Variants in CBX5 observed in about 807,000 individuals in gnomAD.
CBX5 encodes the protein chromobox 5, also known as chromobox protein homolog 5.
A neutral mutation model predicts 20.7 loss-of-function variants in CBX5; 7 were observed. The ratio of observed to expected loss-of-function variants is 0.34; its 90% CI spans 0.19 to 0.63. The LOEUF (loss-of-function observed/expected upper bound fraction) is 0.63, where lower values mean the gene tolerates loss of function less well. Among genes scored for constraint, CBX5 ranks in the 30% least tolerant of loss-of-function variants. CBX5 has a pLI of 0.75. For missense variants in CBX5, 110 were observed against 224.1 expected (o/e 0.49, Z 3.25); for synonymous variants, 78 against 77.0 (o/e 1.01, Z -0.07).
intron 2 of CBX5, 59 bp downstream of exon 2, chr12:54,257,455 T>A (rs992076238): frequency 6.4e-7 from 1 of 1,570,060 alleles, no homozygotes; most frequent in African/African-American, 1.4e-5. Flanking sequence ...CCTAAGGAAG[T>A]AAACCAAAGG....
intron 2 of CBX5, 90 bp downstream of exon 2, chr12:54,257,424 A>G (rs1367240540): frequency 7.1e-7 from 1 of 1,410,416 alleles, no homozygotes; most frequent in Non-Finnish European, 9.8e-7. Context: ...GGGGAAGAAA[A>G]AGACAAAAAT....
At chr12:54,263,079 G>C (rs550208720) in intron 1 of CBX5, 2 of 152,608 alleles carry the variant, frequency 1.3e-5, no homozygotes, top group South Asian at 4.1e-4. Flanking sequence ...TGAGAAAAGA[G>C]GCTGGGCGCG....
intron 1 of CBX5, chr12:54,259,447 C>T (rs969619110): frequency 3.3e-5 from 5 of 152,630 alleles, no homozygotes; most frequent in African/African-American, 1.2e-4. Flanking sequence ...TCCCTTTATA[C>T]CTTCATGCAG....
intron 2 of CBX5, among the ~76,000 whole-genome samples, chr12:54,253,396 C>T (rs1298282986): frequency 6.6e-6 from 1 of 151,852 alleles, no homozygotes; most frequent in East Asian, 1.9e-4. Context: ...GTCTGGGCAA[C>T]AGACTGAGAC....
In CBX5 at chr12:54,239,330, A is replaced by G. The variant is rs887343101; in HGVS notation, c.*2425T>C. 11 of 152,156 alleles carry G rather than the reference A, an allele frequency of 7.2e-5. No homozygotes were observed. Among genetic ancestry groups the G allele is most frequent in the African/African-American group, 2.7e-4 (11 of 41,428 alleles). The allele number at this position is 152,156 out of a possible 1,614,324, so 9.4% of individuals were successfully genotyped here. On this transcript the variant is annotated 3_prime_UTR_variant, in exon 5 of 5. Transcript: ENST00000209875. ...CTCAGAACCAATCTCAGTACCAAAT[A>G]TTGTCATGTTCTTTGTCCACATACT...
intron 1 of CBX5, chr12:54,259,572 G>A (rs1365846319): frequency 6.5e-6 from 1 of 152,682 alleles, no homozygotes; most frequent in Non-Finnish European, 1.5e-5. Flanking sequence ...CCCAGGTCTG[G>A]GTCTTGGCGG....
At chr12:54,245,388 G>A (rs1943723554) in intron 4 of CBX5, among the ~76,000 whole-genome samples, 3 of 152,214 alleles carry the variant, frequency 2.0e-5, no homozygotes, top group Admixed American at 6.5e-5. Context: ...AATCCATTCT[G>A]AAGCATAATT....
intron 3 of CBX5, among the ~76,000 whole-genome samples, chr12:54,250,811 C>CAAAA (rs1164585269): frequency 0.024 from 952 of 39,232 alleles, 24 homozygotes; most frequent in Non-Finnish European, 0.032. Flanking sequence ...GACTCCGTCT[C>CAAAA]AAAAAAAAAA....
rs200904302 is a variant in CBX5 at position 54,279,303 on chromosome 12, C to CA, written c.-43+704dup. On this transcript the variant is annotated intron_variant, in intron 1 of 4. Coordinates refer to ENST00000209875, the MANE Select transcript of CBX5 (RefSeq NM_012117.3). ...AAAGTATTATTTAAAAACAAACAAACAAAAAAAAACAACTCCTGTTCCCCA... is the reference window on the plus strand; with the variant it reads ...AAAGTATTATTTAAAAACAAACAAACAAAAAAAAAACAACTCCTGTTCCCCA... Among the ~76,000 whole-genome samples the CA allele has an allele frequency of 1.7e-3, 247 of 149,184 alleles. 3 individuals are homozygous for CA. Among genetic ancestry groups the CA allele is most frequent in the African/African-American group, 1.4e-3 (58 of 40,390 alleles).
intron 1 of CBX5, chr12:54,272,883 G>A (rs1207081476): frequency 6.6e-6 from 1 of 152,124 alleles, no homozygotes; most frequent in Non-Finnish European, 1.5e-5. Flanking sequence ...AAGAAACTAA[G>A]GACTAAAGAG....
At chr12:54,251,586 G>T (rs181297292) in intron 3 of CBX5, among the ~76,000 whole-genome samples, 2 of 150,854 alleles carry the variant, frequency 1.3e-5, no homozygotes. Flanking sequence ...AGCTACTACT[G>T]AGGCATGAGA....
chr12:54,259,771 G>T (rs1857743768), intron 1 of CBX5, among the ~76,000 whole-genome samples: 1 of 152,242 alleles, frequency 6.6e-6, no homozygotes, highest in Non-Finnish European at 1.5e-5. Context: ...TTGGCCTCAA[G>T]GCTAAGGCAT....
In CBX5 at chr12:54,241,663, G is replaced by A. The variant is rs1943678159; in HGVS notation, c.*92C>T. The A allele has an allele frequency of 1.4e-5, 18 of 1,251,482 alleles. No homozygotes were observed. In the South Asian group the frequency reaches 2.4e-4, roughly 17 times the overall value. The allele number at this position is 1,251,482 out of a possible 1,614,324, so 77.5% of individuals were successfully genotyped here. A position where few individuals can be genotyped will look rare whatever the true frequency, so the allele number is the denominator to read the frequency against. On this transcript the variant is annotated 3_prime_UTR_variant, in exon 5 of 5. Coordinates refer to ENST00000209875, the MANE Select transcript of CBX5 (RefSeq NM_012117.3). ...TGATAAGCACATTTTTTATGGATGT[G>A]TTTAGGATAGAAAGGGGTGGGTAGA...
At chr12:54,278,758 T>C (rs1290957367) in intron 1 of CBX5, 1 of 152,256 alleles carries the variant, frequency 6.6e-6, no homozygotes, top group Non-Finnish European at 1.5e-5. Context: ...AGGTGATGGA[T>C]GAATCTTCTG....
intron 3 of CBX5, among the ~76,000 whole-genome samples, chr12:54,251,131 C>T (rs1258652375): frequency 7.1e-6 from 1 of 141,036 alleles, no homozygotes; most frequent in East Asian, 2.1e-4. Context: ...ATTCTGTCTC[C>T]AAAAAAAAAG....
chr12:54,264,258 C>T lies in CBX5; in HGVS notation c.-42-6566G>A, dbSNP rs532095817. On this transcript the variant is annotated intron_variant, in intron 1 of 4. Coordinates refer to ENST00000209875, the MANE Select transcript of CBX5 (RefSeq NM_012117.3). ...GCAGTCTCAAACTCCTGGGCTCAAG[C>T]AATCCTCTCACCTTGGCCTTCTGAG... is the stretch of plus-strand genomic sequence containing the variant. Among the ~76,000 whole-genome samples the T allele has an allele frequency of 2.0e-5, 3 of 152,232 alleles. No homozygotes were observed. In the South Asian group the frequency reaches 6.2e-4, roughly 32 times the overall value.
chr12:54,263,596 G>A (rs770722969), intron 1 of CBX5, among the ~76,000 whole-genome samples: 2 of 150,716 alleles, frequency 1.3e-5, no homozygotes, highest in East Asian at 2.0e-4. Context: ...TTAGTCAGGC[G>A]TGGTGTAATC....
chr12:54,269,336 G>T (rs2137029697), intron 1 of CBX5, among the ~76,000 whole-genome samples: 1 of 152,220 alleles, frequency 6.6e-6, no homozygotes, highest in South Asian at 2.1e-4. Context: ...TATAAAATTG[G>T]TATTTCTTCC....
At chr12:54,258,956 T>G (rs1465434600) in intron 1 of CBX5, among the ~76,000 whole-genome samples, 2 of 151,828 alleles carry the variant, frequency 1.3e-5, no homozygotes, top group Non-Finnish European at 2.9e-5. Flanking sequence ...TTTTAAAAAT[T>G]ATTACAAGAA....
Sources: gnomAD v4.1 joint callset for allele counts (sites outside exome capture counted in the v4.1 genomes callset) on GRCh38, gnomAD v4.1.1 for gene constraint, MANE v1.5 for transcripts, NCBI Gene and HGNC (gene_info 2026-07-23, HGNC 2026-07-21) for gene names.